PRH1: variants seen among roughly 807,000 people sequenced by gnomAD.
PRH1 encodes proline rich protein HaeIII subfamily 1.
In PRH1, 7 loss-of-function variants were observed where a neutral mutation model predicts 7.9. The observed-to-expected ratio is 0.89, with a 90% CI of 0.50 to 1.67. PRH1 has a LOEUF of 1.67. Among genes scored for constraint, PRH1 ranks in the 40% most tolerant of loss-of-function variants. The probability of loss-of-function intolerance (pLI) is 0.00; values close to 1 mark genes in which losing one functional copy is unlikely to be tolerated. For synonymous variants in PRH1, 45 were observed against 80.8 expected, an observed-to-expected ratio of 0.56 and a Z score of 2.38; for missense variants, 109 against 223.6, an observed-to-expected ratio of 0.49 and a Z score of 3.27.
At chr12:11,008,706 GATTT>G (rs1210596963) in intron 1 of PRH1, among the ~76,000 whole-genome samples, 2 of 151,984 alleles carry the variant, frequency 1.3e-5, no homozygotes, top group East Asian at 1.9e-4. Flanking sequence ...ATGTACATGT[GATTT>G]ATTTCTTTTC....
intron 1 of PRH1, among the ~76,000 whole-genome samples, chr12:11,165,614 A>G (rs1041424607): frequency 1.3e-5 from 2 of 152,120 alleles, no homozygotes; most frequent in African/African-American, 2.4e-5. Context: ...TTCTCTTAAC[A>G]ATGCCTGGGT....
At chr12:11,024,021 T>C (rs1190566924) in intron 1 of PRH1, among the ~76,000 whole-genome samples, 1 of 152,210 alleles carries the variant, frequency 6.6e-6, no homozygotes, top group Non-Finnish European at 1.5e-5. Context: ...ATGAAGTGGG[T>C]AATTAAACCT....
chr12:10,972,528 A>G (rs1018006701), intron 2 of PRH1, among the ~76,000 whole-genome samples: 4 of 152,204 alleles, frequency 2.6e-5, no homozygotes, highest in Non-Finnish European at 4.4e-5. Context: ...AAAATTTTTC[A>G]TAATGACGTT....
intron 1 of PRH1, among the ~76,000 whole-genome samples, chr12:10,883,316 C>T (rs1257516204): frequency 1.3e-5 from 2 of 151,808 alleles, no homozygotes; most frequent in Admixed American, 1.3e-4. Flanking sequence ...AGAAGGGCCC[C>T]TGTTTGTCCT....
chr12:10,947,427 G>T (rs1950505488), intron 2 of PRH1, among the ~76,000 whole-genome samples: 1 of 151,430 alleles, frequency 6.6e-6, no homozygotes, highest in Non-Finnish European at 1.5e-5. Flanking sequence ...TTTGAAACTT[G>T]TTTTGTCTGA....
At position 11,093,619 on chromosome 12, in the gene PRH1, C is replaced by T. The variant is rs1378255801; in HGVS notation, n.124-46431G>A. Among the ~76,000 whole-genome samples the T allele has an allele frequency of 1.7e-5, 2 of 115,376 alleles. 1 individual carries two copies. The highest frequency in any genetic ancestry group is 4.1e-5 in the Non-Finnish European group (2 of 48,920). 75.7% of individuals were successfully genotyped at this position (115,376 alleles called of 152,430 possible). A position where few individuals can be genotyped will look rare whatever the true frequency, so the allele number is the denominator to read the frequency against. ...ATTTATTATTATACAAAATATTTAG[C>T]AATTTTATAACAATTCCTGAGTACC... On this transcript the variant is annotated intron_variant and non_coding_transcript_variant, in intron 1 of 4. Coordinates refer to the PRH1 transcript ENST00000541977.
At chr12:11,116,900 A>T (rs1003331973), downstream of PRH1, among the ~76,000 whole-genome samples, 3 of 152,070 alleles carry the variant, frequency 2.0e-5, no homozygotes, top group African/African-American at 7.2e-5. Context: ...CCCTCAGAAA[A>T]CTGGATATAG....
At chr12:10,921,479 C>T (rs995813326) in intron 2 of PRH1, among the ~76,000 whole-genome samples, 1 of 152,044 alleles carries the variant, frequency 6.6e-6, no homozygotes, top group African/African-American at 2.4e-5. Context: ...ATATAAAGCT[C>T]TGCTATTTAG....
intron 1 of PRH1, among the ~76,000 whole-genome samples, chr12:11,152,585 A>G (rs977406743): frequency 6.6e-6 from 1 of 152,042 alleles, no homozygotes; most frequent in African/African-American, 2.4e-5. Flanking sequence ...ATTGACATCT[A>G]TGGTTAAGAA....
At chr12:11,021,644 A>C in intron 1 of PRH1, 1 of 1,582,954 alleles carries the variant, frequency 6.3e-7, no homozygotes, top group East Asian at 2.2e-5. Flanking sequence ...TTGTGAATCT[A>C]TGGAGTTGAG....
At position 11,168,091 on chromosome 12, in the gene PRH1, GTC is replaced by G. The variant is rs35635064; in HGVS notation, n.39+3329_39+3330del. 4.2e-3 allele frequency among the ~76,000 whole-genome samples: 641 copies of G among 151,442 alleles called. 5 individuals carry two copies. Among genetic ancestry groups the G allele is most frequent in the African/African-American group, 0.015 (619 of 41,096 alleles). ...GAGGTTTGAGGGGAGAAAAAGAAAA[GTC>G]TTTCTTGAAATATGGAAATAAGAGT... On this transcript the variant is annotated intron_variant and non_coding_transcript_variant, in intron 1 of 1. Coordinates refer to the PRH1 transcript ENST00000541175.
intron 1 of PRH1, among the ~76,000 whole-genome samples, chr12:11,004,431 G>A (rs554823528): frequency 5.9e-5 from 9 of 152,110 alleles, no homozygotes; most frequent in East Asian, 1.9e-4. Flanking sequence ...GAGTGAACCC[G>A]GAGGCGGAGG....
At chr12:10,992,739 T>C (rs568618323) in intron 1 of PRH1, among the ~76,000 whole-genome samples, 1 of 152,302 alleles carries the variant, frequency 6.6e-6, no homozygotes, top group Non-Finnish European at 1.5e-5. Flanking sequence ...GAAAGTCAGA[T>C]GCTGCATAAA....
chr12:11,162,441 C>A (rs953755079), intron 1 of PRH1, among the ~76,000 whole-genome samples: 1 of 152,158 alleles, frequency 6.6e-6, no homozygotes, highest in Admixed American at 6.5e-5. Flanking sequence ...TATTCCCAGA[C>A]CATGAGGGAC....
intron 1 of PRH1, among the ~76,000 whole-genome samples, chr12:11,135,025 C>T (rs557921488): frequency 6.6e-6 from 1 of 152,232 alleles, no homozygotes; most frequent in East Asian, 1.9e-4. Flanking sequence ...CCTATTTTCC[C>T]ACTCAAGGTT....
rs902722400 is a variant in PRH1 at position 10,908,833 on chromosome 12, G to A, written c.-58-24558C>T. 13 of 1,613,600 alleles carry A rather than the reference G, an allele frequency of 8.1e-6. No individual in the cohort carries two copies. In the African/African-American group the frequency reaches 1.1e-4, roughly 13 times the overall value. On this transcript the variant is annotated intron_variant, in intron 2 of 3. Transcript: ENST00000539853. Reference sequence around the variant, plus strand: ...GTTGTGTTTCTTTCATATCGGTCCAGCCAGTCTTTTATATGCATGTTTATT... The same window carrying A: ...GTTGTGTTTCTTTCATATCGGTCCAACCAGTCTTTTATATGCATGTTTATT...
At chr12:11,045,157 T>C (rs1942858261) in intron 1 of PRH1, among the ~76,000 whole-genome samples, 1 of 152,002 alleles carries the variant, frequency 6.6e-6, no homozygotes, top group African/African-American at 2.4e-5. Flanking sequence ...TTTGCAGCAA[T>C]ATATGGATAG....
intron 1 of PRH1, among the ~76,000 whole-genome samples, chr12:11,143,526 G>C (rs1193734495): frequency 6.6e-6 from 1 of 152,060 alleles, no homozygotes; most frequent in Non-Finnish European, 1.5e-5. Flanking sequence ...TAATAACATT[G>C]AATGTAAATG....
chr12:11,134,126 T>C lies in PRH1; in HGVS notation n.40-12946A>G, dbSNP rs770919396. On this transcript the variant is annotated intron_variant and non_coding_transcript_variant, in intron 1 of 1. Coordinates refer to the PRH1 transcript ENST00000541175. The stretch of plus-strand genomic sequence containing the variant: ...GAGAATTTGGTCAACAAAGGAGATC[T>C]TTTGTCTCTTGACCCACTCAATGGA... 10 of 1,614,042 alleles carry C rather than the reference T, an allele frequency of 6.2e-6. No individual in the cohort carries two copies. In the Admixed American group the frequency reaches 1.2e-4, roughly 19 times the overall value.
Sources: allele counts gnomAD v4.1 joint callset (sites outside exome capture counted in the v4.1 genomes callset), GRCh38; gene constraint gnomAD v4.1.1; transcripts MANE v1.5; gene names NCBI Gene and HGNC (gene_info 2026-07-23, HGNC 2026-07-21).